Variants in CDC42BPB observed in about 807,000 individuals in gnomAD.
CDC42BPB encodes the protein serine/threonine-protein kinase MRCK beta.
In CDC42BPB, 37 loss-of-function variants were observed where a neutral mutation model predicts 214.9. That is an observed-to-expected ratio of 0.17 (90% CI 0.13 to 0.23). CDC42BPB has a LOEUF of 0.23. Among genes scored for constraint, CDC42BPB ranks in the 10% least tolerant of loss-of-function variants. CDC42BPB has a pLI of 1.00. For synonymous variants in CDC42BPB, 931 were observed against 884.0 expected, an observed-to-expected ratio of 1.05 and a Z score of -0.94; for missense variants, 1,694 against 2,227.0, an observed-to-expected ratio of 0.76 and a Z score of 4.82.
rs1055393390 is a variant in CDC42BPB, at chr14:102,944,691, C to T, written c.3812-204G>A. 3.0e-6 allele frequency: 3 copies of T among 984,892 alleles called. No homozygotes were observed. The highest frequency in any genetic ancestry group is 1.7e-5 in the African/African-American group (1 of 57,214). The allele number at this position is 984,892 out of a possible 1,614,324, so 61.0% of individuals were successfully genotyped here. On this transcript the variant is annotated intron_variant, in intron 29 of 36. Coordinates refer to ENST00000361246, the MANE Select transcript of CDC42BPB (RefSeq NM_006035.4). This position sits in a 1 kb window ranked among gnomAD's most constrained non-coding sequence, Gnocchi z 6.6. ...AACGCCCCCCGGAGAAGCTGCCCCA[C>T]ATCCACAGCGCGCTCCTGGGGCAGC...
intron 26 of CDC42BPB, 41 bp downstream of exon 26, chr14:102,949,724 G>A (rs1370601991): frequency 1.2e-6 from 2 of 1,610,316 alleles, no homozygotes; most frequent in East Asian, 2.2e-5. Flanking sequence ...GATAGCTGAG[G>A]AAGATTCACA....
At chr14:103,023,898 A>C (rs1886907652) in intron 1 of CDC42BPB, among the ~76,000 whole-genome samples, 1 of 152,150 alleles carries the variant, frequency 6.6e-6, no homozygotes, top group Non-Finnish European at 1.5e-5. Flanking sequence ...CAGTGCAGGG[A>C]AATCTAGTCC....
intron 1 of CDC42BPB, among the ~76,000 whole-genome samples, chr14:103,038,251 C>T (rs1258315858): frequency 2.1e-5 from 3 of 144,134 alleles, no homozygotes; most frequent in Non-Finnish European, 4.5e-5. Context: ...AGGAGAATAG[C>T]GTGAACCTGG....
intron 30 of CDC42BPB, chr14:102,941,423 C>T: frequency 2.0e-6 from 2 of 985,442 alleles, no homozygotes; most frequent in Non-Finnish European, 2.4e-6. Flanking sequence ...GGAAATCAAA[C>T]AGGGTTTGCA....
chr14:103,041,727 GA>G, intron 1 of CDC42BPB: 1 of 548,842 alleles, frequency 1.8e-6, no homozygotes, highest in Non-Finnish European at 3.3e-6. Context: ...GCATTCACAA[GA>G]AGGTGGCCCA....
rs1423880076 is a variant in CDC42BPB, at chr14:102,975,679, C to T, written c.1507+5G>A. ...GACTAAGAAGTCACACTTTTAAACA[C>T]ATACCTGCTATTTTATTCTTCAAGC... On this transcript the variant is annotated splice_donor_5th_base_variant and intron_variant, in intron 11 of 36. Transcript: ENST00000361246. 1 of 1,613,758 alleles carries T rather than the reference C, an allele frequency of 6.2e-7. No individual in the cohort carries two copies. Among genetic ancestry groups the T allele is most frequent in the East Asian group, 2.2e-5 (1 of 44,882 alleles).
rs1892181224 is a variant in CDC42BPB at position 102,946,458 on chromosome 14, TG to T, written c.3748+9del. On this transcript the variant is annotated intron_variant, in intron 28 of 36. Coordinates refer to ENST00000361246, the MANE Select transcript of CDC42BPB (RefSeq NM_006035.4). The stretch of plus-strand genomic sequence containing the variant: ...TCAGACACCTGAAGGACACAACCTT[TG>T]GGACGTACCCACGATGGCAGCTGTC... 6.2e-7 allele frequency: 1 copy of T among 1,612,314 alleles called. No individual in the cohort carries two copies. Among genetic ancestry groups the T allele is most frequent in the African/African-American group, 1.3e-5 (1 of 74,932 alleles).
At chr14:102,949,334 C>T (rs566217386) in intron 26 of CDC42BPB, among the ~76,000 whole-genome samples, 216 of 152,270 alleles carry the variant, frequency 1.4e-3, no homozygotes, top group African/African-American at 4.9e-3. Context: ...ACGCTACGGC[C>T]ACGCACACCC....
chr14:103,000,292 G>C (rs894997698), intron 4 of CDC42BPB, among the ~76,000 whole-genome samples: 10 of 152,382 alleles, frequency 6.6e-5, no homozygotes, highest in South Asian at 2.1e-4. Context: ...GGCTGAGCCC[G>C]TCACTTCCCC....
intron 7 of CDC42BPB, 118 bp downstream of exon 7, chr14:102,983,438 T>C (rs1043887580): frequency 4.1e-5 from 60 of 1,471,612 alleles, no homozygotes; most frequent in Non-Finnish European, 5.2e-5. Context: ...CCAAACCCCG[T>C]CACCTCTTCC....
rs1157404611 is a variant in CDC42BPB at position 102,952,612 on chromosome 14, A to C, written c.3067-9T>G. 1.9e-6 allele frequency: 3 copies of C among 1,611,526 alleles called. No individual in the cohort carries two copies. Among genetic ancestry groups the C allele is most frequent in the East Asian group, 4.5e-5 (2 of 44,864 alleles). On this transcript the variant is annotated splice_polypyrimidine_tract_variant and intron_variant, in intron 23 of 36. Coordinates refer to ENST00000361246, the MANE Select transcript of CDC42BPB (RefSeq NM_006035.4). ...AACTGGTGAGCTTTTGGCTGGAAGG[A>C]GAAAATCAAGAACACTGAGGTGAAC...
chr14:102,973,559 G>C lies in CDC42BPB; in HGVS notation c.1641+457C>G, dbSNP rs113790010. Among the ~76,000 whole-genome samples the C allele has an allele frequency of 3.4e-3, 524 of 152,254 alleles. 5 individuals are homozygous for C. Among genetic ancestry groups the C allele is most frequent in the African/African-American group, 0.012 (489 of 41,584 alleles). On this transcript the variant is annotated intron_variant, in intron 12 of 36. Coordinates refer to ENST00000361246, the MANE Select transcript of CDC42BPB (RefSeq NM_006035.4). ...TCTAAGAGCAGAGGCCTGGTGGAGA[G>C]AAGGGGAGGGCCTGGCTCGGGACGC...
At chr14:103,023,199 A>C (rs1886868379) in intron 1 of CDC42BPB, among the ~76,000 whole-genome samples, 4 of 132,130 alleles carry the variant, frequency 3.0e-5, no homozygotes, top group Non-Finnish European at 3.2e-5. Context: ...ATGGAGTCTC[A>C]CTCCATCACC....
chr14:102,969,542 AG>A (rs951895148), intron 14 of CDC42BPB, among the ~76,000 whole-genome samples: 7 of 152,226 alleles, frequency 4.6e-5, no homozygotes, highest in African/African-American at 1.7e-4. Flanking sequence ...CACGTCCCAG[AG>A]GAAGAGTTGC....
Position 103,004,278 on chromosome 14 carries a change from T to C in CDC42BPB, c.352-255A>G, listed in dbSNP as rs1214294313. ...TGCTGTCCCACGGGCACCATTTCTG[T>C]GGCTGACACTTAGATTCACCCCACC... On this transcript the variant is annotated intron_variant, in intron 3 of 36. Coordinates refer to ENST00000361246, the MANE Select transcript of CDC42BPB (RefSeq NM_006035.4). This position sits in a 1 kb window ranked among gnomAD's most constrained non-coding sequence, Gnocchi z 5.3. The C allele has an allele frequency of 3.4e-6, 3 of 890,702 alleles. No individual in the cohort carries two copies. The highest frequency in any genetic ancestry group is 3.5e-5 in the African/African-American group (2 of 57,712). The allele number at this position is 890,702 out of a possible 1,614,324, so 55.2% of individuals were successfully genotyped here.
chr14:103,045,431 C>A (rs528730507), intron 1 of CDC42BPB, among the ~76,000 whole-genome samples: 1 of 152,182 alleles, frequency 6.6e-6, no homozygotes, highest in Non-Finnish European at 1.5e-5. Flanking sequence ...CCCCACATCA[C>A]GTGGTCTCCA....
At chr14:102,960,234 C>T (rs1892899013) in intron 20 of CDC42BPB, among the ~76,000 whole-genome samples, 1 of 151,878 alleles carries the variant, frequency 6.6e-6, no homozygotes, top group Non-Finnish European at 1.5e-5. Context: ...AAACAAAACC[C>T]CTCAAAACCA....
rs1566872799 is a variant in CDC42BPB, at chr14:102,974,425, GCA to G, written c.1508-278_1508-277del. ...TGAGCACTGGGAGCCCTTGGGTGGC[GCA>G]CACACTCGTCTGCTCAGTCCCTCTA... On this transcript the variant is annotated intron_variant, in intron 11 of 36. Coordinates refer to ENST00000361246, the MANE Select transcript of CDC42BPB (RefSeq NM_006035.4). The G allele has an allele frequency of 3.3e-6, 3 of 920,106 alleles. No individual in the cohort carries two copies. In the African/African-American group the frequency reaches 5.4e-5, roughly 17 times the overall value. 57.0% of individuals were successfully genotyped at this position (920,106 alleles called of 1,614,324 possible).
intron 1 of CDC42BPB, chr14:103,041,459 C>T: frequency 9.0e-7 from 1 of 1,106,934 alleles, no homozygotes; most frequent in Non-Finnish European, 1.3e-6. Context: ...AGAAGGGGCT[C>T]TAGGCAGCCA....
Sources: allele counts gnomAD v4.1 joint callset (sites outside exome capture counted in the v4.1 genomes callset), GRCh38; gene constraint gnomAD v4.1.1; non-coding constraint Gnocchi (gnomAD v3.1); transcripts MANE v1.5; gene names NCBI Gene and HGNC (gene_info 2026-07-23, HGNC 2026-07-21).